DLC1: variants seen among roughly 807,000 people sequenced by gnomAD.
The protein encoded by DLC1 is DLC1 Rho GTPase activating protein, also known as rho GTPase-activating protein 7.
DLC1 carries 54 observed loss-of-function variants against 140.3 expected under a neutral mutation model. The observed-to-expected ratio is 0.38, with a 90% CI of 0.31 to 0.48. The LOEUF is 0.48. DLC1 is among the 20% of genes least tolerant of loss of function. The pLI is 0.96. For missense variants in DLC1, 2,536 were observed against 1,907.0 expected, an observed-to-expected ratio of 1.33 and a Z score of -6.14; for synonymous variants, 986 against 728.1, an observed-to-expected ratio of 1.35 and a Z score of -5.70.
At chr8:13,240,682 C>G (rs1365301818) in intron 5 of DLC1, among the ~76,000 whole-genome samples, 5 of 152,186 alleles carry the variant, frequency 3.3e-5, no homozygotes, top group African/African-American at 9.6e-5. Flanking sequence ...GTCCTTCCAC[C>G]TAGACCTCCC....
intron 5 of DLC1, among the ~76,000 whole-genome samples, chr8:13,265,418 T>A (rs545373909): frequency 6.6e-6 from 1 of 152,262 alleles, no homozygotes; most frequent in African/African-American, 2.4e-5. Context: ...TTAATGAGCA[T>A]GGAAGGCCGC....
chr8:13,550,691 A>C (rs1803815758), intron 1 of DLC1, among the ~76,000 whole-genome samples: 1 of 152,136 alleles, frequency 6.6e-6, no homozygotes, highest in Non-Finnish European at 1.5e-5. Context: ...ATCTTTAATT[A>C]AAGCTTAAAC....
intron 5 of DLC1, among the ~76,000 whole-genome samples, chr8:13,250,786 A>G (rs1467486946): frequency 6.6e-6 from 1 of 152,146 alleles, no homozygotes; most frequent in Non-Finnish European, 1.5e-5. Flanking sequence ...GAAAGAAAAA[A>G]TAAAGTACTT....
chr8:13,418,663 G>A (rs1838180836), intron 2 of DLC1, among the ~76,000 whole-genome samples: 1 of 152,148 alleles, frequency 6.6e-6, no homozygotes, highest in Non-Finnish European at 1.5e-5. Flanking sequence ...CTCCAGCTTT[G>A]TTCTTTTGGC....
chr8:13,091,410 A>G lies in DLC1; in HGVS notation c.3763T>C (p.Leu1255=), dbSNP rs770565965. The G allele has an allele frequency of 1.9e-6, 3 of 1,614,152 alleles. No individual in the cohort carries two copies. Among genetic ancestry groups the G allele is most frequent in the Admixed American group, 1.7e-5 (1 of 60,020 alleles). ...AAATCTTTCTGATCTGGTTTGCCCAAACTTTGTTTTCTTTGCATTACCCTA... is the reference window on the plus strand; with the variant it reads ...AAATCTTTCTGATCTGGTTTGCCCAGACTTTGTTTTCTTTGCATTACCCTA... ...SPRVMQRKQS[L]GKPDQKDLNE... is the part of the protein sequence containing the mutation. Residue 1255 remains leucine, a synonymous_variant, in exon 14 of 18, where the codon TTG becomes CTG. Coordinates refer to ENST00000276297, the MANE Select transcript of DLC1 (RefSeq NM_182643.3).
intron 1 of DLC1, among the ~76,000 whole-genome samples, chr8:13,580,207 C>CT (rs972417804): frequency 1.3e-5 from 2 of 151,900 alleles, no homozygotes; most frequent in Non-Finnish European, 2.9e-5. Context: ...ACTGCAGCCT[C>CT]TGCCTCCCTG....
chr8:13,360,883 T>A (rs1028244697), intron 4 of DLC1, among the ~76,000 whole-genome samples: 3 of 152,154 alleles, frequency 2.0e-5, no homozygotes, highest in Non-Finnish European at 4.4e-5. Flanking sequence ...CACATTATTT[T>A]TTTTTTTTCT....
intron 2 of DLC1, among the ~76,000 whole-genome samples, chr8:13,462,464 C>T (rs1306253303): frequency 1.4e-5 from 2 of 147,300 alleles, no homozygotes; most frequent in Non-Finnish European, 3.0e-5. Context: ...AGTGCAGTGG[C>T]GCGATCTTGG....
rs116127644 is a variant in DLC1 at position 13,390,493 on chromosome 8, G to A, written c.1314+3060C>T. ...TTATACTCCTTTGGATATATACTCA[G>A]TAATTGGATTGCTGGGTCAAATCAT... On this transcript the variant is annotated intron_variant, in intron 4 of 17. Transcript: ENST00000276297. Among the ~76,000 whole-genome samples, 1,460 of 152,284 alleles carry A rather than the reference G, an allele frequency of 9.6e-3. 21 individuals are homozygous for A. The highest frequency in any genetic ancestry group is 0.033 in the African/African-American group (1,374 of 41,554).
intron 2 of DLC1, among the ~76,000 whole-genome samples, chr8:13,407,027 T>C (rs1837598403): frequency 6.6e-6 from 1 of 152,230 alleles, no homozygotes; most frequent in Non-Finnish European, 1.5e-5. Flanking sequence ...ATAATATATG[T>C]AGCTGCTGTG....
chr8:13,500,244 G>A, intron 1 of DLC1, 48 bp from the exon 2 acceptor site: 1 of 560,314 alleles, frequency 1.8e-6, no homozygotes, highest in South Asian at 2.9e-5. Context: ...CGTTTCTAAA[G>A]TCAAAATATA....
intron 5 of DLC1, among the ~76,000 whole-genome samples, chr8:13,181,073 T>C (rs28634989): frequency 0.27 from 40,285 of 151,910 alleles, 6,010 homozygotes; most frequent in African/African-American, 0.39. Context: ...TCCCTTCTGT[T>C]ACCTTTCTGG....
At chr8:13,302,242 G>A (rs1486383590) in intron 5 of DLC1, among the ~76,000 whole-genome samples, 1 of 152,140 alleles carries the variant, frequency 6.6e-6, no homozygotes, top group East Asian at 1.9e-4. Context: ...CCTGCCTGAT[G>A]GGATATCCTC....
At chr8:13,182,586 C>G (rs1393147232) in intron 5 of DLC1, among the ~76,000 whole-genome samples, 1 of 151,988 alleles carries the variant, frequency 6.6e-6, no homozygotes. Context: ...GAATCTTTTC[C>G]CCATTTCTTG....
chr8:13,511,014 T>C (rs1301840437), intron 1 of DLC1, among the ~76,000 whole-genome samples: 2 of 152,112 alleles, frequency 1.3e-5, no homozygotes, highest in Non-Finnish European at 2.9e-5. Flanking sequence ...TCCATTCATT[T>C]CACAAACATT....
chr8:13,372,761 A>G (rs1037819898), intron 4 of DLC1, among the ~76,000 whole-genome samples: 6 of 152,204 alleles, frequency 3.9e-5, no homozygotes, highest in African/African-American at 1.4e-4. Context: ...TTTCTTTAGC[A>G]CAAGAGTTTT....
At chr8:13,406,185 T>A (rs551261841) in intron 2 of DLC1, among the ~76,000 whole-genome samples, 1 of 129,368 alleles carries the variant, frequency 7.7e-6, no homozygotes. Context: ...TTTTGTGTTT[T>A]TTTTTTTTTT....
chr8:13,098,458 G>C lies in DLC1; in HGVS notation c.3108C>G (p.Leu1036=). 6.2e-7 allele frequency: 1 copy of C among 1,614,168 alleles called. No individual in the cohort carries two copies. The highest frequency in any genetic ancestry group is 8.5e-7 in the Non-Finnish European group (1 of 1,180,024). ...TCTCCAGCAGGGCCGTTAGCTTTAG[G>C]AGTGAGTATTTCTGCAGCAGGTTCA... is the stretch of plus-strand genomic sequence containing the variant. ...AQMNLLQKYS[L]LKLTALLEKY... The change falls in exon 10 of 18, where the codon CTC becomes CTG. Residue 1036 remains leucine, a synonymous_variant. Transcript: ENST00000276297.
At chr8:13,459,974 C>T (rs1285572862) in intron 2 of DLC1, among the ~76,000 whole-genome samples, 1 of 152,104 alleles carries the variant, frequency 6.6e-6, no homozygotes, top group Non-Finnish European at 1.5e-5. Context: ...TCTTCTCTGC[C>T]TGTGTCTGAA....
Sources: allele counts gnomAD v4.1 joint callset (sites outside exome capture counted in the v4.1 genomes callset), GRCh38; gene constraint gnomAD v4.1.1; transcripts MANE v1.5; gene names NCBI Gene and HGNC (gene_info 2026-07-23, HGNC 2026-07-21).